The following CACNA2D1 variants were observed in gnomAD, a reference collection of about 807,000 sequenced individuals.
The protein encoded by CACNA2D1 is calcium voltage-gated channel auxiliary subunit alpha2delta 1, also known as voltage-dependent calcium channel subunit alpha-2/delta-1.
In CACNA2D1, 53 loss-of-function variants were observed where a neutral mutation model predicts 171.5. The ratio of observed to expected loss-of-function variants is 0.31; its 90% confidence interval spans 0.25 to 0.39. The LOEUF is 0.39. Among genes scored for constraint, CACNA2D1 ranks in the 10% least tolerant of loss-of-function variants. The pLI is 1.00. For synonymous variants in CACNA2D1, 442 were observed against 443.1 expected, an observed-to-expected ratio of 1.00 and a Z score of 0.03; for missense variants, 903 against 1,299.8, an observed-to-expected ratio of 0.69 and a Z score of 4.69.
At chr7:81,969,349 T>C (rs1287303405) in intron 28 of CACNA2D1, among the ~76,000 whole-genome samples, 2 of 151,462 alleles carry the variant, frequency 1.3e-5, no homozygotes, top group Non-Finnish European at 3.0e-5. Flanking sequence ...AAGACGTATG[T>C]CACTGGGCAA....
At chr7:82,115,747 A>T (rs1322530409) in intron 6 of CACNA2D1, among the ~76,000 whole-genome samples, 1 of 151,928 alleles carries the variant, frequency 6.6e-6, no homozygotes, top group African/African-American at 2.4e-5. Context: ...AGTGAATAAA[A>T]AAAAAAAGCT....
rs530544081 is a variant in CACNA2D1, at chr7:82,256,638, T to C, written c.294+78497A>G. Among the ~76,000 whole-genome samples the C allele has an allele frequency of 1.1e-4, 16 of 152,194 alleles. No individual in the cohort carries two copies. The South Asian group carries it at 3.3e-3, about 32-fold the overall frequency. ...AATACAGAATTATGAGAATTGTTTT[T>C]AAAGTATATTTGAATCTTTACTAAT... is the stretch of plus-strand genomic sequence containing the variant. On this transcript the variant is annotated intron_variant, in intron 3 of 38. Transcript: ENST00000356860.
chr7:81,996,537 C>G (rs540245343), intron 19 of CACNA2D1, among the ~76,000 whole-genome samples: 1 of 151,748 alleles, frequency 6.6e-6, no homozygotes, highest in Non-Finnish European at 1.5e-5. Context: ...ACTATTTGAC[C>G]TCTCTGTACC....
intron 36 of CACNA2D1, among the ~76,000 whole-genome samples, chr7:81,960,086 T>C (rs996845227): frequency 2.6e-5 from 4 of 152,098 alleles, no homozygotes; most frequent in Non-Finnish European, 5.9e-5. Flanking sequence ...TTAATCCTCA[T>C]TGCAAAATAA....
Position 81,961,902 on chromosome 7 carries a change from G to A in CACNA2D1, c.2958C>T (p.Asn986=), listed in dbSNP as rs2130246839. The A allele has an allele frequency of 6.2e-7, 1 of 1,608,028 alleles. No homozygotes were observed. Among genetic ancestry groups the A allele is most frequent in the South Asian group, 1.1e-5 (1 of 90,968 alleles). ...TGAAATAAATAAATTACCTGGAACA[G>A]TTTCCACAGTCTAATACACCACTGA... ...KSFSGVLDCG[N]CSRIFHGEKL... Residue 986 remains asparagine (N), a synonymous_variant, in exon 36 of 39, where the codon AAC becomes AAT. Coordinates refer to ENST00000356860, the MANE Select transcript of CACNA2D1 (RefSeq NM_000722.4).
chr7:82,149,421 T>C (rs976396301), intron 4 of CACNA2D1, among the ~76,000 whole-genome samples: 1 of 151,954 alleles, frequency 6.6e-6, no homozygotes, highest in African/African-American at 2.4e-5. Context: ...GCACACAAGC[T>C]GTGGTCAAGA....
intron 4 of CACNA2D1, among the ~76,000 whole-genome samples, chr7:82,167,658 C>T (rs1795594565): frequency 1.3e-5 from 2 of 152,080 alleles, no homozygotes; most frequent in South Asian, 4.1e-4. Flanking sequence ...TCTCAATGTG[C>T]AAACTGTGAC....
chr7:82,418,613 G>A (rs1420527794), intron 1 of CACNA2D1, among the ~76,000 whole-genome samples: 1 of 152,154 alleles, frequency 6.6e-6, no homozygotes, highest in South Asian at 2.1e-4. Context: ...CCTCACCAAT[G>A]TAGACAGTGA....
At chr7:82,382,300 C>T (rs10247838) in intron 1 of CACNA2D1, among the ~76,000 whole-genome samples, 11,488 of 152,268 alleles carry the variant, frequency 0.075, 1,343 homozygotes, top group African/African-American at 0.25. Context: ...ACAGAAGCAA[C>T]TAGTCCTTCC....
At chr7:82,274,560 C>T (rs947954189) in intron 3 of CACNA2D1, among the ~76,000 whole-genome samples, 3 of 152,144 alleles carry the variant, frequency 2.0e-5, no homozygotes, top group African/African-American at 7.2e-5. Flanking sequence ...ACCGCACACT[C>T]TAATTTTTCT....
At chr7:82,376,684 A>C (rs1823052596) in intron 1 of CACNA2D1, among the ~76,000 whole-genome samples, 2 of 152,202 alleles carry the variant, frequency 1.3e-5, no homozygotes, top group African/African-American at 4.8e-5. Flanking sequence ...ATATAGTACC[A>C]AGCTTGATTA....
At chr7:81,993,399 C>T (rs561998749) in intron 20 of CACNA2D1, among the ~76,000 whole-genome samples, 1 of 152,176 alleles carries the variant, frequency 6.6e-6, no homozygotes, top group East Asian at 1.9e-4. Flanking sequence ...ATTCCTACAA[C>T]AACCACAAAA....
chr7:82,191,681 T>A (rs969552358), intron 3 of CACNA2D1, among the ~76,000 whole-genome samples: 1 of 151,860 alleles, frequency 6.6e-6, no homozygotes, highest in Admixed American at 6.6e-5. Flanking sequence ...ATAACATGAA[T>A]AAATAATTTC....
At chr7:82,087,983 T>C (rs1451790218) in intron 6 of CACNA2D1, among the ~76,000 whole-genome samples, 1 of 152,174 alleles carries the variant, frequency 6.6e-6, no homozygotes, top group Non-Finnish European at 1.5e-5. Context: ...TCTCTCTCTC[T>C]CTTCCCTTGT....
intron 7 of CACNA2D1, 148 bp downstream of exon 7, chr7:82,084,621 C>T (rs1249377263): frequency 8.4e-6 from 8 of 948,254 alleles, no homozygotes; most frequent in African/African-American, 1.6e-5. Context: ...TGTGGTCAAT[C>T]CAAAGCCATG....
At chr7:82,230,096 C>T (rs1014104198) in intron 3 of CACNA2D1, among the ~76,000 whole-genome samples, 7 of 152,132 alleles carry the variant, frequency 4.6e-5, no homozygotes, top group African/African-American at 9.7e-5. Context: ...TGAATTTTCA[C>T]GAACTGAAAC....
chr7:82,378,180 T>C (rs1823234460), intron 1 of CACNA2D1, among the ~76,000 whole-genome samples: 2 of 152,172 alleles, frequency 1.3e-5, no homozygotes, highest in Admixed American at 1.3e-4. Context: ...AGAGGACTGC[T>C]TGAGCCCAGG....
intron 1 of CACNA2D1, among the ~76,000 whole-genome samples, chr7:82,367,307 T>C (rs2129447855): frequency 6.6e-6 from 1 of 152,146 alleles, no homozygotes; most frequent in Admixed American, 6.5e-5. Context: ...TGTGGAGGGT[T>C]TTTTGTATGC....
At chr7:82,375,677 T>A (rs1048608170) in intron 1 of CACNA2D1, among the ~76,000 whole-genome samples, 2 of 152,222 alleles carry the variant, frequency 1.3e-5, no homozygotes, top group Non-Finnish European at 2.9e-5. Flanking sequence ...GTGTATTTTC[T>A]CCTCCATAAA....
Sources: gnomAD v4.1 joint callset for allele counts (sites outside exome capture counted in the v4.1 genomes callset) on GRCh38, gnomAD v4.1.1 for gene constraint, MANE v1.5 for transcripts, NCBI Gene and HGNC (gene_info 2026-07-23, HGNC 2026-07-21) for gene names.